Variants in COL14A1 observed in about 807,000 individuals in gnomAD.
COL14A1 encodes the protein collagen type XIV alpha 1 chain, also known as collagen alpha-1(XIV) chain.
A neutral mutation model predicts 230.3 loss-of-function variants in COL14A1; 136 were observed. The ratio of observed to expected loss-of-function variants is 0.59; its 90% CI spans 0.51 to 0.68. COL14A1 has a LOEUF of 0.68. Ranked by LOEUF, COL14A1 falls within the 30% of genes least tolerant of loss-of-function variation. COL14A1 has a pLI of 0.00. For missense variants in COL14A1, 1,976 were observed against 2,215.8 expected, an observed-to-expected ratio of 0.89 and a Z score of 2.17; for synonymous variants, 792 against 784.1, an observed-to-expected ratio of 1.01 and a Z score of -0.17.
chr8:120,312,691 C>T (rs1821082972), intron 37 of COL14A1, among the ~76,000 whole-genome samples: 1 of 152,176 alleles, frequency 6.6e-6, no homozygotes, highest in Non-Finnish European at 1.5e-5. Flanking sequence ...ATAGACCTTG[C>T]CTAACTCCTT....
chr8:120,131,672 C>G (rs374881442), intron 1 of COL14A1, among the ~76,000 whole-genome samples: 3 of 151,908 alleles, frequency 2.0e-5, no homozygotes, highest in African/African-American at 7.3e-5. Context: ...TCTATTTACT[C>G]TCTTGATAGT....
rs572653904 is a variant in COL14A1 at position 120,207,092 on chromosome 8, G to A, written c.1189G>A (p.Glu397Lys). The part of the protein sequence containing the change: ...YYPTRGGKPD[E>K]VVVDGTVSST... ...TCCTACCAGGGGTGGAAAACCAGAC[G>A]AGGTAATAAGGAGAGAGTATTTTCA... Residue 397 changes from glutamate to lysine, a missense_variant and splice_region_variant, in exon 10 of 48, where the codon GAG becomes AAG. Glu to Lys is a moderately conservative substitution (Grantham distance 56, BLOSUM62 1). Around this residue, in one of 3 missense-constraint regions of COL14A1, gnomAD observed 1,791 missense variants for 2,019.5 expected, o/e 0.89. Transcript: ENST00000297848. 1.1e-5 allele frequency: 18 copies of A among 1,610,616 alleles called. No homozygotes were observed. The highest frequency in any genetic ancestry group is 5.3e-5 in the African/African-American group (4 of 74,850).
In COL14A1 at chr8:120,289,652, C is replaced by G; in HGVS notation, c.4122C>G (p.Asp1374Glu). 1.2e-6 allele frequency: 2 copies of G among 1,614,048 alleles called. No homozygotes were observed. The highest frequency in any genetic ancestry group is 1.7e-6 in the Non-Finnish European group (2 of 1,179,960). Reference protein sequence around the residue: ...VSETLVKVVIDCKQVGEKAMN... With the variant: ...VSETLVKVVIECKQVGEKAMN... ...AGACTTTGGTCAAAGTGGTTATTGA[C>G]TGCAAGCAAGTGGGTGAGAAGGCAA... Residue 1374 changes from aspartate to glutamate, a missense_variant, in exon 34 of 48, where the codon GAC becomes GAG. Physicochemically the swap from Asp to Glu is conservative, Grantham distance 45. This residue lies in a region of COL14A1 where 1,791 missense variants were observed against 2,019.5 expected (regional missense o/e 0.89). Transcript: ENST00000297848.
At chr8:120,189,335 T>C (rs1355977492) in intron 5 of COL14A1, among the ~76,000 whole-genome samples, 1 of 152,140 alleles carries the variant, frequency 6.6e-6, no homozygotes, top group Non-Finnish European at 1.5e-5. Context: ...AAAAATATTG[T>C]TTTTACAGTT....
intron 22 of COL14A1, 23 bp from the exon 23 acceptor site, chr8:120,255,217 G>A: frequency 6.4e-7 from 1 of 1,569,372 alleles, no homozygotes; most frequent in South Asian, 1.1e-5. Context: ...GTGTGATACA[G>A]TTATGTTTCT....
chr8:120,249,093 A>ATTT (rs773091250), intron 21 of COL14A1, among the ~76,000 whole-genome samples: 9,729 of 127,788 alleles, frequency 0.076, 835 homozygotes, highest in East Asian at 0.4. Flanking sequence ...CGCCCGGCTA[A>ATTT]TTTTTTTTTT....
intron 12 of COL14A1, among the ~76,000 whole-genome samples, chr8:120,211,441 A>T (rs924651597): frequency 4.6e-5 from 7 of 152,210 alleles, no homozygotes; most frequent in African/African-American, 1.7e-4. Flanking sequence ...AACATACAGG[A>T]TCATATATTG....
rs10108255 is a variant in COL14A1, at chr8:120,272,549, T to G, written c.3213+2375T>G. On this transcript the variant is annotated intron_variant, in intron 26 of 47. Coordinates refer to ENST00000297848, the MANE Select transcript of COL14A1 (RefSeq NM_021110.4). ...CAAATATCTGCTATCTTTAAGAGAC[T>G]CACCTAACATGTAAGGATTTGTATA... Among the ~76,000 whole-genome samples, 798 of 151,702 alleles carry G rather than the reference T, an allele frequency of 5.3e-3. 5 individuals are homozygous for G. The highest frequency in any genetic ancestry group is 0.018 in the African/African-American group (731 of 41,454).
chr8:120,198,035 C>G lies in COL14A1; in HGVS notation c.712+105C>G. 8 of 1,149,498 alleles carry G rather than the reference C, an allele frequency of 7.0e-6. No individual in the cohort carries two copies. In the South Asian group the frequency reaches 1.2e-4, roughly 17 times the overall value. The allele number at this position is 1,149,498 out of a possible 1,614,324, so 71.2% of individuals were successfully genotyped here. A position where few individuals can be genotyped will look rare whatever the true frequency, so the allele number is the denominator to read the frequency against. ...GCGTTATCATAATGTTTTAATTAAA[C>G]TAGCACTTAGGATTCTTTGATGGCT... On this transcript the variant is annotated intron_variant, in intron 7 of 47. Coordinates refer to ENST00000297848, the MANE Select transcript of COL14A1 (RefSeq NM_021110.4).
chr8:120,328,165 A>T (rs778844987), intron 40 of COL14A1, among the ~76,000 whole-genome samples: 2 of 152,234 alleles, frequency 1.3e-5, no homozygotes, highest in Non-Finnish European at 2.9e-5. Flanking sequence ...GAAGAGAAAG[A>T]AGAAATTCCA....
At chr8:120,196,694 A>G (rs1018926631) in intron 5 of COL14A1, 97 bp from the exon 6 acceptor site, 2 of 1,231,510 alleles carry the variant, frequency 1.6e-6, no homozygotes, top group East Asian at 2.4e-5. Flanking sequence ...ACTCTTTTGT[A>G]TTCTTAGCAC....
rs749416526 is a variant in COL14A1 at position 120,300,709 on chromosome 8, G to T, written c.4315-23G>T. The T allele has an allele frequency of 3.1e-6, 5 of 1,588,690 alleles. 1 individual carries two copies. In the Admixed American group the frequency reaches 8.5e-5, roughly 27 times the overall value. On this transcript the variant is annotated intron_variant, in intron 35 of 47. Coordinates refer to ENST00000297848, the MANE Select transcript of COL14A1 (RefSeq NM_021110.4). ...TGTATAAACTGGCATGCTAATGGTT[G>T]TGCTTTTTTTGTTTCTTTTCAGAGA...
chr8:120,136,426 A>C (rs1007332483), intron 1 of COL14A1, among the ~76,000 whole-genome samples: 1 of 151,932 alleles, frequency 6.6e-6, no homozygotes, highest in African/African-American at 2.4e-5. Context: ...TGATTAGTGG[A>C]TATTATCTTG....
chr8:120,201,381 C>G (rs151127862), intron 8 of COL14A1, among the ~76,000 whole-genome samples: 2 of 152,046 alleles, frequency 1.3e-5, no homozygotes, highest in African/African-American at 2.4e-5. Flanking sequence ...CACCTTTTCC[C>G]AAGTCTGCAT....
intron 25 of COL14A1, among the ~76,000 whole-genome samples, chr8:120,268,399 A>C (rs1028563353): frequency 6.6e-6 from 1 of 151,690 alleles, no homozygotes; most frequent in African/African-American, 2.4e-5. Flanking sequence ...ATGCTCTGTA[A>C]TATCTGCATC....
intron 8 of COL14A1, among the ~76,000 whole-genome samples, chr8:120,200,447 A>C (rs1470784759): frequency 6.6e-6 from 1 of 151,798 alleles, no homozygotes; most frequent in African/African-American, 2.4e-5. Context: ...CTATCAAAAG[A>C]TAGTACTCTC....
chr8:120,200,758 T>G (rs930829369), intron 8 of COL14A1, among the ~76,000 whole-genome samples: 113 of 119,942 alleles, frequency 9.4e-4, no homozygotes, highest in African/African-American at 3.3e-3. Flanking sequence ...TATATATATA[T>G]ATATATATTA....
At chr8:120,318,312 C>T (rs1821308450) in intron 40 of COL14A1, among the ~76,000 whole-genome samples, 2 of 152,050 alleles carry the variant, frequency 1.3e-5, no homozygotes, top group Non-Finnish European at 2.9e-5. Flanking sequence ...AGTTTGTGGA[C>T]TGTTTGCCTA....
At position 120,345,414 on chromosome 8, in the gene COL14A1, C is replaced by T; in HGVS notation, c.4928C>T (p.Pro1643Leu). 1 of 1,597,848 alleles carries T rather than the reference C, an allele frequency of 6.3e-7. No individual in the cohort carries two copies. Among genetic ancestry groups the T allele is most frequent in the Non-Finnish European group, 8.5e-7 (1 of 1,173,186 alleles). Reference protein sequence around the residue: ...ARYTAILNQIPSHSSSIRTVQ... With the variant: ...ARYTAILNQILSHSSSIRTVQ... ...TACACTGCCATCCTCAACCAGATTC[C>T]CAGCCACTCCTCATCCATCCGGACT... Residue 1643 changes from proline to leucine, a missense_variant, in exon 45 of 48, where the codon CCC becomes CTC. This residue lies in a region of COL14A1 where 1,791 missense variants were observed against 2,019.5 expected (regional missense o/e 0.89). Coordinates refer to ENST00000297848, the MANE Select transcript of COL14A1 (RefSeq NM_021110.4).
Sources: gnomAD v4.1 joint callset for allele counts (sites outside exome capture counted in the v4.1 genomes callset) on GRCh38, gnomAD v4.1.1 for gene constraint, gnomAD v4.1.1 regional missense constraint, MANE v1.5 for transcripts, NCBI Gene and HGNC (gene_info 2026-07-23, HGNC 2026-07-21) for gene names.